Variants in EIF4G3 observed in about 807,000 individuals in gnomAD.
EIF4G3 encodes the protein eukaryotic translation initiation factor 4 gamma 3, also known as eIF-4-gamma 3.
EIF4G3 carries 34 observed loss-of-function variants against 186.4 expected under a neutral mutation model. The observed-to-expected ratio is 0.18, with a 90% CI of 0.14 to 0.24. The LOEUF (loss-of-function observed/expected upper bound fraction) is 0.24, where lower values mean the gene tolerates loss of function less well. Among genes scored for constraint, EIF4G3 ranks in the 10% least tolerant of loss-of-function variants. The pLI is 1.00. For synonymous variants in EIF4G3, 673 were observed against 679.5 expected (o/e 0.99, Z 0.15); for missense variants, 1,536 against 1,948.5 (o/e 0.79, Z 3.99).
At chr1:21,070,678 A>T (rs2095416693) in intron 3 of EIF4G3, among the ~76,000 whole-genome samples, 1 of 152,228 alleles carries the variant, frequency 6.6e-6, no homozygotes, top group African/African-American at 2.4e-5. Context: ...AATAAAAAAC[A>T]AACTACCTTC....
Position 20,950,033 on chromosome 1 carries a change from G to A in EIF4G3, c.793C>T (p.Pro265Ser). 1 of 1,613,544 alleles carries A rather than the reference G, an allele frequency of 6.2e-7. No individual in the cohort carries two copies. Residue 265 changes from proline (P) to serine (S), a missense_variant, in exon 13 of 37, where the codon CCT becomes TCT. Physicochemically the swap from Pro to Ser is moderately conservative, Grantham distance 74 (BLOSUM62 -1). Around this residue, in one of 11 missense-constraint regions of EIF4G3, gnomAD observed 560 missense variants for 547.8 expected, o/e 1.02. Transcript: ENST00000602326. ...TTCTGGTCGCTAGCTGCAGTGACAGGGGTGCTGGCAGCAAGATGAGCGCTC... is the reference window on the plus strand; with the variant it reads ...TTCTGGTCGCTAGCTGCAGTGACAGAGGTGCTGGCAGCAAGATGAGCGCTC... ...VESAHLAAST[P>S]VTAASDQKQE... is the part of the protein sequence containing the mutation.
intron 3 of EIF4G3, among the ~76,000 whole-genome samples, chr1:21,060,865 G>T (rs1157609746): frequency 6.6e-6 from 1 of 151,222 alleles, no homozygotes; most frequent in Non-Finnish European, 1.5e-5. Context: ...GTAGTAACAA[G>T]ATACTTTGTT....
intron 20 of EIF4G3, among the ~76,000 whole-genome samples, chr1:20,873,880 CCT>C (rs1238887639): frequency 2.6e-5 from 4 of 152,064 alleles, no homozygotes; most frequent in African/African-American, 7.2e-5. Context: ...GTGTTGTTCC[CCT>C]CTCTGTGTCC....
chr1:21,101,399 C>G (rs1229894492), intron 2 of EIF4G3, among the ~76,000 whole-genome samples: 2 of 151,680 alleles, frequency 1.3e-5, no homozygotes, highest in Non-Finnish European at 2.9e-5. Context: ...AAAACTCTGT[C>G]TCTACCAAAA....
intron 22 of EIF4G3, among the ~76,000 whole-genome samples, chr1:20,862,977 G>C (rs953295571): frequency 1.3e-5 from 2 of 151,812 alleles, no homozygotes; most frequent in Admixed American, 1.3e-4. Context: ...TTTGGACATA[G>C]GAAATCTCAC....
intron 4 of EIF4G3, among the ~76,000 whole-genome samples, chr1:21,045,230 C>G (rs1407348397): frequency 3.3e-5 from 5 of 152,062 alleles, no homozygotes; most frequent in African/African-American, 1.2e-4. Flanking sequence ...AACAAGATTC[C>G]CGGAAGCTGG....
intron 24 of EIF4G3, among the ~76,000 whole-genome samples, chr1:20,858,857 C>T (rs1265968665): frequency 1.3e-5 from 2 of 152,042 alleles, no homozygotes; most frequent in African/African-American, 4.8e-5. Context: ...ATTAGCCAGG[C>T]GTGGTGGTGG....
chr1:21,021,715 C>G (rs1322808718), intron 4 of EIF4G3, among the ~76,000 whole-genome samples: 1 of 152,090 alleles, frequency 6.6e-6, no homozygotes, highest in African/African-American at 2.4e-5. Flanking sequence ...AGCACAATGC[C>G]TGGCTAATTT....
chr1:20,965,280 T>C (rs967648122), intron 12 of EIF4G3, among the ~76,000 whole-genome samples: 1 of 152,164 alleles, frequency 6.6e-6, no homozygotes, highest in African/African-American at 2.4e-5. Context: ...AACTTCCCCA[T>C]GTATACTCAA....
chr1:20,827,972 C>T (rs898397197), intron 31 of EIF4G3, among the ~76,000 whole-genome samples: 4 of 150,924 alleles, frequency 2.7e-5, no homozygotes, highest in Non-Finnish European at 5.9e-5. Context: ...GTAAGTTCTG[C>T]TTCAAGCTAA....
intron 2 of EIF4G3, among the ~76,000 whole-genome samples, chr1:21,154,281 TAAC>T (rs1015461678): frequency 3.9e-5 from 6 of 152,078 alleles, no homozygotes; most frequent in Admixed American, 6.6e-5. Context: ...CTGCTTTCAA[TAAC>T]AACAAGAAAA....
At position 20,844,077 on chromosome 1, in the gene EIF4G3, T is replaced by C. The variant is rs559098496; in HGVS notation, c.3889-3049A>G. On this transcript the variant is annotated intron_variant, in intron 29 of 36. Coordinates refer to ENST00000602326, the MANE Select transcript of EIF4G3 (RefSeq NM_001391906.1). ...ATCGTTGATGGGCATTTAGGTTGAT[T>C]GCATGTTTTTGCTATTGTGAATAGT... is the stretch of plus-strand genomic sequence containing the variant. Among the ~76,000 whole-genome samples the C allele has an allele frequency of 2.1e-3, 324 of 152,336 alleles. 1 individual carries two copies. Among genetic ancestry groups the C allele is most frequent in the African/African-American group, 7.4e-3 (306 of 41,576 alleles).
chr1:21,088,323 G>A (rs558817859), intron 3 of EIF4G3, among the ~76,000 whole-genome samples: 3 of 152,136 alleles, frequency 2.0e-5, no homozygotes, highest in East Asian at 1.9e-4. Flanking sequence ...GGGAGGCTGA[G>A]GCAGTAGAAT....
chr1:21,023,923 T>A (rs12082929), intron 4 of EIF4G3, among the ~76,000 whole-genome samples: 3 of 113,716 alleles, frequency 2.6e-5, no homozygotes, highest in Admixed American at 1.7e-4. Context: ...CCATCTGGGA[T>A]GTGAGGAGCG....
At chr1:21,170,685 A>G (rs1448657647) in intron 2 of EIF4G3, among the ~76,000 whole-genome samples, 1 of 151,890 alleles carries the variant, frequency 6.6e-6, no homozygotes, top group Non-Finnish European at 1.5e-5. Context: ...GTACAAAACA[A>G]TTATTAGTTA....
chr1:21,073,698 G>T, intron 3 of EIF4G3: 2 of 506,868 alleles, frequency 3.9e-6, no homozygotes, highest in Non-Finnish European at 3.9e-6. Context: ...ATTACCAAGG[G>T]CTCATGACAG....
At chr1:20,905,558 T>C (rs972443680) in intron 14 of EIF4G3, among the ~76,000 whole-genome samples, 12 of 152,226 alleles carry the variant, frequency 7.9e-5, no homozygotes, top group Non-Finnish European at 1.8e-4. Context: ...TTCATATTGA[T>C]AGAGTGAAAA....
chr1:21,053,979 C>G (rs915879832), intron 3 of EIF4G3, among the ~76,000 whole-genome samples: 2 of 152,136 alleles, frequency 1.3e-5, no homozygotes, highest in African/African-American at 4.8e-5. Flanking sequence ...TACTCAACAG[C>G]TCATTGAGAA....
At position 20,824,772 on chromosome 1, in the gene EIF4G3, GGCT is replaced by G. The variant is rs143457370; in HGVS notation, c.4368+325_4368+327del. On this transcript the variant is annotated intron_variant, in intron 33 of 36. Transcript: ENST00000602326. ...CTCCATTCCCCACAGAATAACTTCT[GGCT>G]GCTTCTGGCCTGCCATCAGACCCAG... 6.1e-3 allele frequency among the ~76,000 whole-genome samples: 936 copies of G among 152,248 alleles called. 4 individuals are homozygous for G. Among genetic ancestry groups the G allele is most frequent in the Non-Finnish European group, 9.2e-3 (623 of 68,026 alleles).
Sources: allele counts gnomAD v4.1 joint callset (sites outside exome capture counted in the v4.1 genomes callset), GRCh38; gene constraint gnomAD v4.1.1; regional missense constraint gnomAD v4.1.1; transcripts MANE v1.5; gene names NCBI Gene and HGNC (gene_info 2026-07-23, HGNC 2026-07-21).